LRRIQ1: variants seen among roughly 807,000 people sequenced by gnomAD.
The protein encoded by LRRIQ1 is leucine-rich repeat- and IQ domain-containing protein 1.
LRRIQ1 carries 210 observed loss-of-function variants against 211.9 expected under a neutral mutation model. The observed-to-expected ratio is 0.99, with a 90% CI of 0.89 to 1.11. The LOEUF (loss-of-function observed/expected upper bound fraction) is 1.11. Ranked by LOEUF, LRRIQ1 falls within the 50% of genes most tolerant of loss-of-function variation. LRRIQ1 has a pLI of 0.00. For missense variants in LRRIQ1, 2,136 were observed against 1,939.5 expected (o/e 1.10, Z -1.90); for synonymous variants, 699 against 650.1 (o/e 1.08, Z -1.14).
chr12:85,210,402 A>T (rs1169451724), intron 24 of LRRIQ1, among the ~76,000 whole-genome samples: 1 of 152,178 alleles, frequency 6.6e-6, no homozygotes, highest in Non-Finnish European at 1.5e-5. Flanking sequence ...GGATGATAAA[A>T]CACGATGTTT....
At chr12:85,120,302 ATT>A (rs1887880037) in intron 15 of LRRIQ1, among the ~76,000 whole-genome samples, 1 of 152,132 alleles carries the variant, frequency 6.6e-6, no homozygotes, top group Admixed American at 6.6e-5. Flanking sequence ...TCTTAGCTCT[ATT>A]GTACTGGTGT....
rs1305872607 is a variant in LRRIQ1, at chr12:85,192,565, TA to T, written c.4822+31852del. On this transcript the variant is annotated intron_variant, in intron 24 of 26. Transcript: ENST00000393217. ...AATATATATAGTTATATAATATAAT[TA>T]TATATAAATATATAGTTATATACTA... 5.9e-5 allele frequency among the ~76,000 whole-genome samples: 7 copies of T among 117,814 alleles called. No individual in the cohort carries two copies. In the East Asian group the frequency reaches 1.4e-3, roughly 24 times the overall value. 77.3% of individuals were successfully genotyped at this position (117,814 alleles called of 152,430 possible).
At chr12:85,165,291 C>T (rs1187598130) in intron 24 of LRRIQ1, among the ~76,000 whole-genome samples, 1 of 151,808 alleles carries the variant, frequency 6.6e-6, no homozygotes, top group Non-Finnish European at 1.5e-5. Flanking sequence ...TGGTTTCCTC[C>T]CTCTCTCCCC....
chr12:85,247,003 T>C (rs1483448556), downstream of LRRIQ1, among the ~76,000 whole-genome samples: 1 of 151,416 alleles, frequency 6.6e-6, no homozygotes, highest in East Asian at 1.9e-4. Flanking sequence ...TGCATACGAG[T>C]TAGAACACAA....
chr12:85,113,501 G>A (rs1052959858), intron 15 of LRRIQ1, among the ~76,000 whole-genome samples: 2 of 151,906 alleles, frequency 1.3e-5, no homozygotes, highest in African/African-American at 4.8e-5. Flanking sequence ...TTTTGCTTCG[G>A]TTACATAGTA....
At chr12:85,268,157 T>C (rs1255562274), downstream of LRRIQ1, among the ~76,000 whole-genome samples, 1 of 151,954 alleles carries the variant, frequency 6.6e-6, no homozygotes, top group East Asian at 1.9e-4. Context: ...CATGAAATGA[T>C]GGGAAATTTT....
chr12:85,105,976 A>C (rs1360864760), intron 14 of LRRIQ1, among the ~76,000 whole-genome samples: 1 of 151,686 alleles, frequency 6.6e-6, no homozygotes, highest in South Asian at 2.1e-4. Context: ...TTGTATTTTT[A>C]GTAGAGATGG....
chr12:85,176,749 TA>T (rs59571527), intron 24 of LRRIQ1, among the ~76,000 whole-genome samples: 53,064 of 151,086 alleles, frequency 0.35, 12,878 homozygotes, highest in African/African-American at 0.7. Flanking sequence ...TAATAAAAAA[TA>T]AAAAAAAATT....
chr12:85,082,586 A>C (rs1251898985), intron 11 of LRRIQ1, among the ~76,000 whole-genome samples: 2 of 151,908 alleles, frequency 1.3e-5, no homozygotes, highest in African/African-American at 4.8e-5. Context: ...CTATATCTCT[A>C]TCTCTCTTTG....
chr12:85,250,917 TTTATATA>T lies in LRRIQ1; in HGVS notation c.121+6024_121+6030del, dbSNP rs1254365229. Reference sequence around the variant, plus strand: ...ATTTTATATATTATATATAATATATTTTATATATTATATATTATATATAATATATTTT... The same window carrying T: ...ATTTTATATATTATATATAATATATTTTATATATTATATATAATATATTTT... On this transcript the variant is annotated intron_variant, in intron 1 of 1. Coordinates refer to the LRRIQ1 transcript ENST00000602731. Among the ~76,000 whole-genome samples, 68 of 78,482 alleles carry T rather than the reference TTTATATA, an allele frequency of 8.7e-4. 1 individual carries two copies. The highest frequency in any genetic ancestry group is 2.3e-3 in the African/African-American group (23 of 10,108). The allele number at this position is 78,482 out of a possible 152,430, so 51.5% of individuals were successfully genotyped here.
At chr12:85,156,013 G>T (rs1890525346) in intron 23 of LRRIQ1, among the ~76,000 whole-genome samples, 1 of 151,596 alleles carries the variant, frequency 6.6e-6, no homozygotes, top group South Asian at 2.1e-4. Flanking sequence ...ACAAATGAAA[G>T]AAAGTAACCA....
chr12:85,132,777 A>T (rs1888862439), intron 18 of LRRIQ1, among the ~76,000 whole-genome samples: 1 of 151,882 alleles, frequency 6.6e-6, no homozygotes, highest in Non-Finnish European at 1.5e-5. Flanking sequence ...AATAAAAAAT[A>T]AATAAATAAA....
chr12:85,073,851 G>A (rs1883351879), intron 11 of LRRIQ1, among the ~76,000 whole-genome samples: 1 of 152,020 alleles, frequency 6.6e-6, no homozygotes, highest in African/African-American at 2.4e-5. Flanking sequence ...GTTGAGCTAA[G>A]TGAAAAGCAT....
At chr12:85,230,665 G>A (rs1255105047) in intron 25 of LRRIQ1, among the ~76,000 whole-genome samples, 1 of 152,170 alleles carries the variant, frequency 6.6e-6, no homozygotes, top group African/African-American at 2.4e-5. Context: ...TAAAAGTCCA[G>A]AGATGATATT....
At chr12:85,125,343 G>T (rs1398891941) in intron 17 of LRRIQ1, among the ~76,000 whole-genome samples, 1 of 152,110 alleles carries the variant, frequency 6.6e-6, no homozygotes, top group Admixed American at 6.5e-5. Flanking sequence ...GCAATATTCT[G>T]TATGATTAAT....
intron 16 of LRRIQ1, among the ~76,000 whole-genome samples, chr12:85,123,253 T>C (rs1354740342): frequency 6.6e-6 from 1 of 152,044 alleles, no homozygotes; most frequent in Non-Finnish European, 1.5e-5. Flanking sequence ...TTCATTTTGT[T>C]TGATGTGATT....
At chr12:85,158,684 C>A (rs1048857827) in intron 23 of LRRIQ1, among the ~76,000 whole-genome samples, 31 of 151,794 alleles carry the variant, frequency 2.0e-4, no homozygotes, top group African/African-American at 2.7e-4. Flanking sequence ...CTATTTAATA[C>A]CTATTTCCCC....
At chr12:85,045,779 A>G (rs182975012) in intron 4 of LRRIQ1, among the ~76,000 whole-genome samples, 2 of 152,124 alleles carry the variant, frequency 1.3e-5, no homozygotes, top group East Asian at 3.9e-4. Context: ...ACTAAATAAT[A>G]TTAAAGACTT....
At chr12:85,204,604 A>C (rs1893453453) in intron 24 of LRRIQ1, among the ~76,000 whole-genome samples, 1 of 152,182 alleles carries the variant, frequency 6.6e-6, no homozygotes, top group Non-Finnish European at 1.5e-5. Context: ...ATGGAGTCAA[A>C]GGAGATCATT....
Sources: gnomAD v4.1 joint callset for allele counts (sites outside exome capture counted in the v4.1 genomes callset) on GRCh38, gnomAD v4.1.1 for gene constraint, MANE v1.5 for transcripts, NCBI Gene and HGNC (gene_info 2026-07-23, HGNC 2026-07-21) for gene names.